The following TBC1D2 variants were observed in gnomAD, a reference collection of about 807,000 sequenced individuals.
TBC1D2 encodes TBC1 domain family member 2A.
Under a neutral mutation model 91.1 loss-of-function variants are expected in TBC1D2, and 58 were observed. The ratio of observed to expected loss-of-function variants is 0.64; its 90% CI spans 0.52 to 0.79. The LOEUF is 0.79. Ranked by LOEUF, TBC1D2 falls within the 30% of genes least tolerant of loss-of-function variation. The probability of loss-of-function intolerance (pLI) is 0.00; values close to 1 mark genes in which losing one functional copy is unlikely to be tolerated. For synonymous variants in TBC1D2, 482 were observed against 511.5 expected, an observed-to-expected ratio of 0.94 and a Z score of 0.78; for missense variants, 1,080 against 1,208.3, an observed-to-expected ratio of 0.89 and a Z score of 1.57.
At chr9:98,221,349 G>A (rs1047959790) in intron 5 of TBC1D2, 121 bp from the exon 6 acceptor site, 19 of 1,230,656 alleles carry the variant, frequency 1.5e-5, no homozygotes, top group Middle Eastern at 2.2e-4. Context: ...GCATCCCTGC[G>A]GCATCTCATC....
At chr9:98,219,438 G>A (rs1307862368) in intron 6 of TBC1D2, among the ~76,000 whole-genome samples, 2 of 152,134 alleles carry the variant, frequency 1.3e-5, no homozygotes, top group African/African-American at 4.8e-5. Flanking sequence ...AGTTCTCAAG[G>A]TTATAAGTCT....
At chr9:98,209,756 TTTCCTTCCTTCCTTCCTTCC>T (rs3059560) in intron 8 of TBC1D2, among the ~76,000 whole-genome samples, 1 of 105,478 alleles carries the variant, frequency 9.5e-6, no homozygotes, top group Non-Finnish European at 1.9e-5. Flanking sequence ...CCTTCCTTCC[TTTCCTTCCTTCCTTCCTTCC>T]TTCCTTCCTT....
chr9:98,229,090 G>GA lies in TBC1D2; in HGVS notation c.839dup (p.Ala281ArgfsTer16). On this transcript the variant is annotated frameshift_variant, in exon 5 of 13. Transcript: ENST00000465784. LOFTEE classifies it high-confidence loss of function. Reference sequence around the variant, plus strand: ...TGTTCTGGCGCTTGGCTTTCTGAGCGAAACTGATGGTCAGAGAAGGCTTGG... The same window carrying GA: ...TGTTCTGGCGCTTGGCTTTCTGAGCGAAAACTGATGGTCAGAGAAGGCTTGG... The GA allele has an allele frequency of 6.2e-7, 1 of 1,614,236 alleles. No individual in the cohort carries two copies.
intron 8 of TBC1D2, 98 bp downstream of exon 8, chr9:98,210,558 G>A (rs946748175): frequency 1.7e-6 from 2 of 1,203,232 alleles, no homozygotes; most frequent in Non-Finnish European, 2.3e-6. Flanking sequence ...GTAGTGCTGT[G>A]TAGGACTTGT....
chr9:98,213,153 C>T lies in TBC1D2; in HGVS notation c.1440G>A (p.Lys480=). The change falls in exon 7 of 13, where the codon AAG becomes AAA. Residue 480 remains lysine, a synonymous_variant. Coordinates refer to ENST00000465784, the MANE Select transcript of TBC1D2 (RefSeq NM_001267571.2). The stretch of plus-strand genomic sequence containing the variant: ...CCTTCTCAGCCACCTTTCTCCAGAT[C>T]TTTGTGACCTGGTGGATCTCGGAGT... The part of the protein sequence containing the change: ...FLNSEIHQVT[K]IWRKVAEKEK... 1 of 1,614,202 alleles carries T rather than the reference C, an allele frequency of 6.2e-7. No homozygotes were observed. The highest frequency in any genetic ancestry group is 8.5e-7 in the Non-Finnish European group (1 of 1,180,046).
At chr9:98,219,910 G>C (rs12555247) in intron 6 of TBC1D2, among the ~76,000 whole-genome samples, 2 of 152,190 alleles carry the variant, frequency 1.3e-5, no homozygotes, top group Admixed American at 1.3e-4. Flanking sequence ...GAGGCTATGA[G>C]TGCACTCCAC....
intron 6 of TBC1D2, among the ~76,000 whole-genome samples, chr9:98,217,930 G>C (rs1829007734): frequency 6.6e-6 from 1 of 152,006 alleles, no homozygotes; most frequent in African/African-American, 2.4e-5. Context: ...TGCCTAGGCT[G>C]GTCATGAACT....
In TBC1D2 at chr9:98,213,209, C is replaced by T. The variant is rs1350517880; in HGVS notation, c.1384G>A (p.Glu462Lys). 37 of 1,614,064 alleles carry T rather than the reference C, an allele frequency of 2.3e-5. No homozygotes were observed. The highest frequency in any genetic ancestry group is 3.1e-5 in the Non-Finnish European group (36 of 1,180,034). ...GKIEHLKDDM[E>K]AYRTQNCFLN... ...AAGCAGTTCTGGGTCCGGTAAGCTT[C>T]CATGTCATCCTGGAGAAGAGAGTAA... is the stretch of plus-strand genomic sequence containing the variant. Residue 462 changes from glutamate to lysine, a missense_variant, in exon 7 of 13, where the codon GAA (glutamate) becomes AAA (lysine). Transcript: ENST00000465784.
At chr9:98,224,722 G>A (rs538652948) in intron 5 of TBC1D2, among the ~76,000 whole-genome samples, 1 of 152,240 alleles carries the variant, frequency 6.6e-6, no homozygotes, top group African/African-American at 2.4e-5. Context: ...TCTTTTTAGA[G>A]CATTGCTACT....
At chr9:98,246,062 C>T (rs1279420667) in intron 2 of TBC1D2, among the ~76,000 whole-genome samples, 2 of 152,072 alleles carry the variant, frequency 1.3e-5, no homozygotes, top group East Asian at 1.9e-4. Flanking sequence ...GCTTTCAAGG[C>T]CAAGGAAATT....
chr9:98,245,836 CTGAG>C (rs1829753617), intron 2 of TBC1D2, among the ~76,000 whole-genome samples: 1 of 152,134 alleles, frequency 6.6e-6, no homozygotes, highest in African/African-American at 2.4e-5. Context: ...GGTCACACTA[CTGAG>C]TATCAAAAAA....
chr9:98,235,457 T>C, intron 3 of TBC1D2: 1 of 476,384 alleles, frequency 2.1e-6, no homozygotes, highest in Non-Finnish European at 4.2e-6. Context: ...AAAATGAATG[T>C]CTGCTATTCA....
chr9:98,234,437 G>T (rs914771566), intron 3 of TBC1D2, among the ~76,000 whole-genome samples: 1 of 152,164 alleles, frequency 6.6e-6, no homozygotes, highest in Non-Finnish European at 1.5e-5. Context: ...TGACAGGGAG[G>T]GAAAATGATG....
At chr9:98,202,439 C>T (rs1046285678) in intron 10 of TBC1D2, among the ~76,000 whole-genome samples, 6 of 152,322 alleles carry the variant, frequency 3.9e-5, no homozygotes, top group African/African-American at 9.6e-5. Context: ...CAGGCATTAG[C>T]GTCAGCTGTG....
intron 11 of TBC1D2, 26 bp from the exon 12 acceptor site, chr9:98,200,400 A>C: frequency 5.3e-6 from 8 of 1,497,564 alleles, no homozygotes; most frequent in East Asian, 2.7e-5. Flanking sequence ...GGGCTCAGGT[A>C]GGGCATGGGG....
At chr9:98,242,377 G>C (rs1057226462) in intron 3 of TBC1D2, among the ~76,000 whole-genome samples, 4 of 150,514 alleles carry the variant, frequency 2.7e-5, no homozygotes, top group Non-Finnish European at 4.4e-5. Flanking sequence ...GGAAGCAGAG[G>C]TTGCAGCGAG....
chr9:98,231,027 G>A (rs564984197), intron 4 of TBC1D2, among the ~76,000 whole-genome samples: 2 of 152,308 alleles, frequency 1.3e-5, no homozygotes, highest in Non-Finnish European at 2.9e-5. Context: ...TTCCTGTAAT[G>A]GGGTATAGGG....
intron 4 of TBC1D2, among the ~76,000 whole-genome samples, chr9:98,230,035 C>T (rs1432025936): frequency 2.0e-5 from 3 of 152,168 alleles, no homozygotes; most frequent in Non-Finnish European, 2.9e-5. Context: ...GAATCATTCC[C>T]TTGTGTTGCC....
intron 5 of TBC1D2, among the ~76,000 whole-genome samples, chr9:98,223,810 G>A (rs545198576): frequency 9.8e-5 from 15 of 152,336 alleles, no homozygotes; most frequent in Admixed American, 9.1e-4. Flanking sequence ...CAGAGGGAGG[G>A]AGCCTCAGTA....
Sources: allele counts gnomAD v4.1 joint callset (sites outside exome capture counted in the v4.1 genomes callset), GRCh38; gene constraint gnomAD v4.1.1; transcripts MANE v1.5; gene names NCBI Gene and HGNC (gene_info 2026-07-23, HGNC 2026-07-21).